Variants in ZNF423 observed in about 807,000 individuals in gnomAD.
The protein encoded by ZNF423 is zinc finger protein 423.
Under a neutral mutation model 95.8 loss-of-function variants are expected in ZNF423, and 12 were observed. That is an observed-to-expected ratio of 0.13 (90% CI 0.08 to 0.20). The LOEUF is 0.20. ZNF423 is among the 10% of genes least tolerant of loss of function. The pLI, the probability that ZNF423 is intolerant of heterozygous loss-of-function variation, is 1.00. For synonymous variants in ZNF423, 749 were observed against 711.9 expected, an observed-to-expected ratio of 1.05 and a Z score of -0.83; for missense variants, 1,316 against 1,737.1, an observed-to-expected ratio of 0.76 and a Z score of 4.31.
chr16:49,682,669 G>A (rs897311860), intron 3 of ZNF423, among the ~76,000 whole-genome samples: 6 of 152,240 alleles, frequency 3.9e-5, no homozygotes, highest in African/African-American at 1.4e-4. Flanking sequence ...GGAAGAAGCA[G>A]AGGTCAGTCA....
At chr16:49,678,235 T>TG (rs992965244) in intron 3 of ZNF423, among the ~76,000 whole-genome samples, 1 of 152,176 alleles carries the variant, frequency 6.6e-6, no homozygotes, top group African/African-American at 2.4e-5. Flanking sequence ...TTTATTTTTT[T>TG]TTTAAAGCTA....
chr16:49,742,780 T>C (rs1444787640), intron 2 of ZNF423, among the ~76,000 whole-genome samples: 1 of 151,920 alleles, frequency 6.6e-6, no homozygotes, highest in Non-Finnish European at 1.5e-5. Flanking sequence ...GGGGCGCAAA[T>C]CACCCCCCTT....
intron 1 of ZNF423, among the ~76,000 whole-genome samples, chr16:49,799,583 A>G (rs1767039885): frequency 1.3e-5 from 2 of 152,106 alleles, no homozygotes; most frequent in Admixed American, 6.5e-5. Context: ...TCACCCTCCT[A>G]TTCCCCATGA....
intron 5 of ZNF423, among the ~76,000 whole-genome samples, chr16:49,596,990 G>A (rs551230702): frequency 6.6e-6 from 1 of 152,336 alleles, no homozygotes; most frequent in South Asian, 2.1e-4. Context: ...TGCCCTGTTG[G>A]GTCGGCTTGG....
At chr16:49,778,209 G>C (rs970443858) in intron 2 of ZNF423, among the ~76,000 whole-genome samples, 1 of 152,138 alleles carries the variant, frequency 6.6e-6, no homozygotes, top group Non-Finnish European at 1.5e-5. Context: ...GTGTGTGTGC[G>C]TGTGTGTGCA....
chr16:49,833,533 G>C (rs535359303), intron 1 of ZNF423, among the ~76,000 whole-genome samples: 1 of 152,092 alleles, frequency 6.6e-6, no homozygotes, highest in Non-Finnish European at 1.5e-5. Context: ...AGACACATTC[G>C]AGTGAGGAAA....
At chr16:49,739,695 GGT>G (rs148529853) in intron 2 of ZNF423, among the ~76,000 whole-genome samples, 71,813 of 132,214 alleles carry the variant, frequency 0.54, 18,823 homozygotes, top group African/African-American at 0.66. Context: ...GTTTTTGTTT[GGT>G]TTTTTTTTTT....
chr16:49,797,998 C>A (rs984537783), intron 1 of ZNF423, among the ~76,000 whole-genome samples: 3 of 152,160 alleles, frequency 2.0e-5, no homozygotes, highest in Non-Finnish European at 4.4e-5. Flanking sequence ...TTGCTTGAGC[C>A]AAGGAGTTCC....
chr16:49,787,798 C>T lies in ZNF423; in HGVS notation c.100+1689G>A, dbSNP rs562688259. ...CTGTCTGCATCACCTCCAGCCCCAC[C>T]GGGAAAGCAGCTGGGAAGGAGGACC... On this transcript the variant is annotated intron_variant, in intron 2 of 7. Transcript: ENST00000563137. Among the ~76,000 whole-genome samples, 17 of 152,250 alleles carry T rather than the reference C, an allele frequency of 1.1e-4. No homozygotes were observed. In the South Asian group the frequency reaches 2.5e-3, roughly 22 times the overall value.
At position 49,638,568 on chromosome 16, in the gene ZNF423, T is replaced by C. The variant is rs1310413838; in HGVS notation, c.608A>G (p.His203Arg). 6.2e-7 allele frequency: 1 copy of C among 1,613,800 alleles called. No homozygotes were observed. Among genetic ancestry groups the C allele is most frequent in the African/African-American group, 1.3e-5 (1 of 75,020 alleles). Residue 203 changes from histidine (H) to arginine (R), a missense_variant, in exon 4 of 8, where the codon CAC (histidine) becomes CGC (arginine). This residue lies in a region of ZNF423 where 58 missense variants were observed against 116.9 expected (regional missense o/e 0.50). Coordinates refer to ENST00000563137, the MANE Select transcript of ZNF423 (RefSeq NM_001379286.1). The surrounding 1 kb of genome is among the most constrained non-coding windows in gnomAD (Gnocchi z 5.6). ...GAAGGCTGCCTCGCACTCGTGGCAG[T>C]GATACTTCTTGTCGCCCGTATGCAG... Reference protein sequence around the residue: ...IKLHTGDKKYHCHECEAAFSR... With the variant: ...IKLHTGDKKYRCHECEAAFSR...
intron 3 of ZNF423, among the ~76,000 whole-genome samples, chr16:49,661,032 C>T (rs939642130): frequency 6.6e-6 from 1 of 152,044 alleles, no homozygotes; most frequent in East Asian, 1.9e-4. Context: ...ACCAGCCTGG[C>T]CAACATGGTG....
rs74641463 is a variant in ZNF423, at chr16:49,713,550, C to T, written c.301+17221G>A. On this transcript the variant is annotated intron_variant, in intron 3 of 7. Coordinates refer to ENST00000563137, the MANE Select transcript of ZNF423 (RefSeq NM_001379286.1). ...TCCAGGTGGCCTAAATGCCCCTCCC[C>T]GCACCCTGGCAGGTTCTCAGGATGA... is the stretch of plus-strand genomic sequence containing the variant. Among the ~76,000 whole-genome samples the T allele has an allele frequency of 9.7e-3, 1,481 of 152,262 alleles. 39 individuals are homozygous for T. Among genetic ancestry groups the T allele is most frequent in the East Asian group, 0.084 (431 of 5,158 alleles).
intron 7 of ZNF423, among the ~76,000 whole-genome samples, chr16:49,520,033 G>C (rs913017100): frequency 6.6e-6 from 1 of 152,158 alleles, no homozygotes; most frequent in African/African-American, 2.4e-5. Context: ...AGGAGTGTCT[G>C]ACTTCAACCT....
chr16:49,625,210 A>G (rs1196741650), intron 5 of ZNF423, among the ~76,000 whole-genome samples: 1 of 152,154 alleles, frequency 6.6e-6, no homozygotes, highest in Non-Finnish European at 1.5e-5. Context: ...AAAATTAGCC[A>G]GGCGCAGTGG....
intron 1 of ZNF423, among the ~76,000 whole-genome samples, chr16:49,817,466 TAA>T (rs1256036326): frequency 6.6e-6 from 1 of 151,950 alleles, no homozygotes; most frequent in Admixed American, 6.6e-5. Flanking sequence ...ATAAACCCAA[TAA>T]AAGAGACGCA....
At chr16:49,622,993 T>A (rs188104076) in intron 5 of ZNF423, among the ~76,000 whole-genome samples, 1 of 152,028 alleles carries the variant, frequency 6.6e-6, no homozygotes, top group African/African-American at 2.4e-5. Flanking sequence ...CAACATGCCA[T>A]AGGTGCTCAG....
chr16:49,794,241 T>TG (rs1483648486), intron 1 of ZNF423, among the ~76,000 whole-genome samples: 17 of 151,572 alleles, frequency 1.1e-4, no homozygotes, highest in African/African-American at 3.6e-4. Context: ...TTTTTGTTTT[T>TG]TTTTTTTTGT....
Position 49,839,216 on chromosome 16 carries a change from G to A in ZNF423, c.40+16519C>T, listed in dbSNP as rs1050153351. On this transcript the variant is annotated intron_variant, in intron 1 of 7. Transcript: ENST00000563137. Reference sequence around the variant, plus strand: ...CAACTGCGCAATCGGACTCCAGGGGGACCGTGGAGGGTTCAGATCCCACCT... The same window carrying A: ...CAACTGCGCAATCGGACTCCAGGGGAACCGTGGAGGGTTCAGATCCCACCT... Among the ~76,000 whole-genome samples the A allele has an allele frequency of 2.0e-4, 31 of 152,062 alleles. No individual in the cohort carries two copies. The South Asian group carries it at 3.5e-3, about 17-fold the overall frequency.
At chr16:49,727,914 CA>C (rs1379994078) in intron 3 of ZNF423, among the ~76,000 whole-genome samples, 1 of 152,210 alleles carries the variant, frequency 6.6e-6, no homozygotes, top group African/African-American at 2.4e-5. Context: ...TCAGCCTGGC[CA>C]GGGGGAGCCT....
Sources: allele counts gnomAD v4.1 joint callset (sites outside exome capture counted in the v4.1 genomes callset), GRCh38; gene constraint gnomAD v4.1.1; regional missense constraint gnomAD v4.1.1; non-coding constraint Gnocchi (gnomAD v3.1); transcripts MANE v1.5; gene names NCBI Gene and HGNC (gene_info 2026-07-23, HGNC 2026-07-21).